Variants in CAST observed in about 807,000 individuals in gnomAD.
CAST encodes MIR583 host.
In CAST, 76 loss-of-function variants were observed where a neutral mutation model predicts 119.6. That is an observed-to-expected ratio of 0.64 (90% CI 0.53 to 0.77). The LOEUF is 0.77. Ranked by LOEUF, CAST falls within the 30% of genes least tolerant of loss-of-function variation. The pLI is 0.00. For synonymous variants in CAST, 319 were observed against 331.6 expected (o/e 0.96, Z 0.41); for missense variants, 953 against 946.5 (o/e 1.01, Z -0.09).
chr5:96,542,209 C>G (rs1188504582), intron 1 of CAST, among the ~76,000 whole-genome samples: 1 of 150,648 alleles, frequency 6.6e-6, no homozygotes, highest in Non-Finnish European at 1.5e-5. Context: ...ACTCAGGAGG[C>G]TGAGGCAGAA....
At chr5:96,542,082 G>A (rs1252572750) in intron 1 of CAST, among the ~76,000 whole-genome samples, 6 of 152,198 alleles carry the variant, frequency 3.9e-5, no homozygotes, top group South Asian at 2.1e-4. Flanking sequence ...AGGCTGAGGC[G>A]GGTGGATCAC....
At chr5:96,762,142 GTTA>G (rs1270913401) in intron 24 of CAST, 129 bp from the exon 25 acceptor site, 6 of 478,560 alleles carry the variant, frequency 1.3e-5, no homozygotes, top group Non-Finnish European at 1.5e-5. Flanking sequence ...AAAATTATAT[GTTA>G]TTATGAGTCT....
chr5:96,158,225 G>C, the CAST span, among the ~76,000 whole-genome samples: 1 of 152,220 alleles, frequency 6.6e-6, no homozygotes, highest in Admixed American at 6.5e-5. Context: ...GAGAGACCAT[G>C]AAAAGAGTCA....
the CAST span, among the ~76,000 whole-genome samples, chr5:96,363,225 T>G: frequency 6.8e-3 from 1,011 of 149,500 alleles, 11 homozygotes; most frequent in African/African-American, 0.024. Context: ...CCATGCTGTT[T>G]TGGTTACTGT....
intron 26 of CAST, 65 bp from the exon 27 acceptor site, chr5:96,765,988 G>T: frequency 2.2e-6 from 2 of 911,786 alleles, no homozygotes; most frequent in South Asian, 2.9e-5. Context: ...TGCTGCATTT[G>T]ACAATGTATT....
the CAST span, among the ~76,000 whole-genome samples, chr5:96,511,723 A>G: frequency 6.6e-6 from 1 of 152,238 alleles, no homozygotes; most frequent in Non-Finnish European, 1.5e-5. Context: ...GTAGCTCAAC[A>G]CTAGCCTCTG....
the CAST span, among the ~76,000 whole-genome samples, chr5:96,117,989 T>A: frequency 1.3e-5 from 2 of 152,198 alleles, no homozygotes; most frequent in Non-Finnish European, 2.9e-5. Flanking sequence ...TGTTAATTAT[T>A]GGTGGCAATG....
intron 9 of CAST, among the ~76,000 whole-genome samples, chr5:96,734,761 G>T (rs1317090796): frequency 6.6e-6 from 1 of 152,174 alleles, no homozygotes; most frequent in Non-Finnish European, 1.5e-5. Context: ...GGTACCATTG[G>T]CAGGAGTACA....
chr5:96,080,115 A>G, the CAST span, among the ~76,000 whole-genome samples: 2 of 152,198 alleles, frequency 1.3e-5, no homozygotes, highest in African/African-American at 4.8e-5. Context: ...CTTATTAGCC[A>G]TATAACCTAG....
At chr5:96,770,191 A>G in intron 29 of CAST, 2 of 286,828 alleles carry the variant, frequency 7.0e-6, no homozygotes, top group South Asian at 8.0e-5. Flanking sequence ...CTGACAGTGT[A>G]CTAGGGTTCC....
At chr5:96,024,837 G>T in the CAST span, among the ~76,000 whole-genome samples, 1 of 152,080 alleles carries the variant, frequency 6.6e-6, no homozygotes, top group Non-Finnish European at 1.5e-5. Flanking sequence ...CAAAATCAGG[G>T]TGTCCAACGC....
At chr5:96,006,554 G>A in the CAST span, among the ~76,000 whole-genome samples, 1 of 152,132 alleles carries the variant, frequency 6.6e-6, no homozygotes, top group Non-Finnish European at 1.5e-5. Context: ...CTATTTCATA[G>A]GATTAAGTGA....
the CAST span, among the ~76,000 whole-genome samples, chr5:96,433,738 A>G: frequency 6.6e-6 from 1 of 152,186 alleles, no homozygotes; most frequent in African/African-American, 2.4e-5. Context: ...CTACTGTCCC[A>G]ATTCTGTTCT....
At chr5:96,045,356 G>GAAAAAAAAAAA in the CAST span, among the ~76,000 whole-genome samples, 1 of 102,022 alleles carries the variant, frequency 9.8e-6, no homozygotes, top group African/African-American at 3.6e-5. Context: ...TCTGTCTCAA[G>GAAAAAAAAAAA]AAAAAAAAAA....
chr5:96,749,004 C>G (rs1197926180), intron 19 of CAST, among the ~76,000 whole-genome samples: 1 of 152,156 alleles, frequency 6.6e-6, no homozygotes, highest in East Asian at 1.9e-4. Flanking sequence ...CTTCTATCCC[C>G]AGGAGTTTCC....
At chr5:96,534,817 AAAG>A (rs1745770408) in intron 1 of CAST, among the ~76,000 whole-genome samples, 1 of 146,222 alleles carries the variant, frequency 6.8e-6, no homozygotes, top group South Asian at 2.2e-4. Context: ...AGAAAGAAAG[AAAG>A]AAAAGAAAGA....
the CAST span, among the ~76,000 whole-genome samples, chr5:95,988,552 C>A: frequency 6.6e-6 from 1 of 152,046 alleles, no homozygotes; most frequent in Non-Finnish European, 1.5e-5. Flanking sequence ...TTTGACAGCT[C>A]TTTTATTCAA....
At chr5:96,264,546 T>C in the CAST span, among the ~76,000 whole-genome samples, 1 of 152,226 alleles carries the variant, frequency 6.6e-6, no homozygotes, top group South Asian at 2.1e-4. Flanking sequence ...TGTGTCTCCA[T>C]GGCTTTGTGC....
the CAST span, among the ~76,000 whole-genome samples, chr5:96,076,470 G>A: frequency 6.6e-6 from 1 of 152,162 alleles, no homozygotes; most frequent in African/African-American, 2.4e-5. Context: ...AGGGGCTCGG[G>A]TTCTGGGCCT....
Sources: gnomAD v4.1 joint callset for allele counts (sites outside exome capture counted in the v4.1 genomes callset) on GRCh38, gnomAD v4.1.1 for gene constraint, MANE v1.5 for transcripts, NCBI Gene and HGNC (gene_info 2026-07-23, HGNC 2026-07-21) for gene names.